Variants in RHPN2 observed in about 807,000 individuals in gnomAD.
RHPN2 encodes rhophilin-2.
RHPN2 carries 40 observed loss-of-function variants against 79.0 expected under a neutral mutation model. The ratio of observed to expected loss-of-function variants is 0.51; its 90% confidence interval spans 0.39 to 0.66. The LOEUF (loss-of-function observed/expected upper bound fraction) is 0.66. RHPN2 is among the 30% of genes least tolerant of loss of function. The pLI is 0.00. For missense variants in RHPN2, 686 were observed against 883.5 expected (o/e 0.78, Z 2.83); for synonymous variants, 285 against 363.5 (o/e 0.78, Z 2.46).
At chr19:33,047,950 T>C (rs1489840055) in intron 1 of RHPN2, among the ~76,000 whole-genome samples, 1 of 152,006 alleles carries the variant, frequency 6.6e-6, no homozygotes, top group Non-Finnish European at 1.5e-5. Flanking sequence ...ATAATAAAAA[T>C]AAAAGACTTC....
At chr19:32,994,686 G>T (rs1004192587) in intron 11 of RHPN2, among the ~76,000 whole-genome samples, 6 of 152,222 alleles carry the variant, frequency 3.9e-5, no homozygotes, top group Middle Eastern at 3.4e-3. Flanking sequence ...AGGAGGCCAG[G>T]CACGGTGGCT....
chr19:33,012,021 C>T (rs952291556), intron 5 of RHPN2, among the ~76,000 whole-genome samples: 1 of 150,446 alleles, frequency 6.6e-6, no homozygotes, highest in Admixed American at 6.7e-5. Context: ...GGGCTCTCCC[C>T]TTCTATGGTT....
chr19:33,051,364 G>A (rs182053326), intron 1 of RHPN2, among the ~76,000 whole-genome samples: 13 of 152,280 alleles, frequency 8.5e-5, no homozygotes, highest in Middle Eastern at 3.4e-3. Context: ...TGTAAGACAC[G>A]TATTTAAGAG....
At chr19:32,983,278 C>T (rs972549898) in intron 14 of RHPN2, among the ~76,000 whole-genome samples, 16 of 151,848 alleles carry the variant, frequency 1.1e-4, no homozygotes, top group African/African-American at 3.6e-4. Context: ...TTTGGGAGGC[C>T]AAGGCGGGCA....
At chr19:33,008,250 CTTTTTTT>C in intron 6 of RHPN2, 70 bp from the exon 7 acceptor site, 1 of 1,084,142 alleles carries the variant, frequency 9.2e-7, no homozygotes. Context: ...GGAAAAAATT[CTTTTTTT>C]TTTTTTTTTT....
intron 1 of RHPN2, among the ~76,000 whole-genome samples, chr19:33,054,879 C>T (rs1599836840): frequency 6.6e-6 from 1 of 152,208 alleles, no homozygotes; most frequent in East Asian, 1.9e-4. Flanking sequence ...TAGTTCATCA[C>T]GTTGTCTCTC....
At chr19:33,041,289 T>A (rs979123574) in intron 2 of RHPN2, among the ~76,000 whole-genome samples, 10 of 152,114 alleles carry the variant, frequency 6.6e-5, no homozygotes, top group Non-Finnish European at 1.3e-4. Flanking sequence ...CAGGGCCTAA[T>A]TTACAACTGA....
chr19:33,062,717 G>A (rs956742600), intron 1 of RHPN2, among the ~76,000 whole-genome samples: 1 of 151,142 alleles, frequency 6.6e-6, no homozygotes, highest in African/African-American at 2.4e-5. Flanking sequence ...GCAGTGAGCC[G>A]AAATCACACC....
chr19:33,000,447 G>A lies in RHPN2; in HGVS notation c.1106-742C>T, dbSNP rs1379018722. Among the ~76,000 whole-genome samples the A allele has an allele frequency of 2.6e-5, 4 of 151,494 alleles. No individual in the cohort carries two copies. The East Asian group carries it at 7.8e-4, about 30-fold the overall frequency. On this transcript the variant is annotated intron_variant, in intron 9 of 14. Coordinates refer to ENST00000254260, the MANE Select transcript of RHPN2 (RefSeq NM_033103.5). ...TCTTGGCCAGGCTGGTCCTGACCTC[G>A]TGATCCACACCGATTTCGGCCTCCC...
In RHPN2 at chr19:33,035,132, A is replaced by C. The variant is rs146169868; in HGVS notation, c.186-8500T>G. Among the ~76,000 whole-genome samples, 776 of 151,488 alleles carry C rather than the reference A, an allele frequency of 5.1e-3. 5 individuals carry two copies. Among genetic ancestry groups the C allele is most frequent in the African/African-American group, 0.018 (753 of 41,284 alleles). ...CAGTGTGTGCCACCACACCCAGCTAATTTTTTGTATTTTTACTAGAGATGG... is the reference window on the plus strand; with the variant it reads ...CAGTGTGTGCCACCACACCCAGCTACTTTTTTGTATTTTTACTAGAGATGG... On this transcript the variant is annotated intron_variant, in intron 2 of 14. Coordinates refer to ENST00000254260, the MANE Select transcript of RHPN2 (RefSeq NM_033103.5).
At chr19:33,036,690 C>T (rs10424333) in intron 2 of RHPN2, among the ~76,000 whole-genome samples, 2 of 152,106 alleles carry the variant, frequency 1.3e-5, no homozygotes, top group African/African-American at 4.8e-5. Flanking sequence ...CGGGCTAGCG[C>T]GAGTTCCAGG....
intron 4 of RHPN2, among the ~76,000 whole-genome samples, chr19:33,020,914 G>A (rs543276526): frequency 2.7e-4 from 41 of 152,198 alleles, no homozygotes; most frequent in Admixed American, 2.3e-3. Context: ...GTATGTTCTT[G>A]GAAGAATTGA....
intron 1 of RHPN2, among the ~76,000 whole-genome samples, chr19:33,049,662 C>A (rs1392459155): frequency 1.3e-5 from 2 of 152,160 alleles, no homozygotes; most frequent in South Asian, 4.2e-4. Context: ...ACAGCCAACA[C>A]CCAAGAAAAG....
intron 1 of RHPN2, among the ~76,000 whole-genome samples, chr19:33,061,666 TAG>T (rs1357062934): frequency 6.6e-6 from 1 of 152,016 alleles, no homozygotes; most frequent in East Asian, 1.9e-4. Flanking sequence ...ATATTTTTAG[TAG>T]AGACAGGGTT....
At chr19:33,028,269 G>C (rs1325619470) in intron 2 of RHPN2, among the ~76,000 whole-genome samples, 1 of 151,176 alleles carries the variant, frequency 6.6e-6, no homozygotes, top group Non-Finnish European at 1.5e-5. Flanking sequence ...CCATCCTCCA[G>C]CCTCAGCCTC....
intron 14 of RHPN2, among the ~76,000 whole-genome samples, chr19:32,983,880 G>A (rs1599804585): frequency 6.6e-6 from 1 of 152,274 alleles, no homozygotes; most frequent in Admixed American, 6.5e-5. Flanking sequence ...ACCTGCCTCA[G>A]CCTCCCAAAG....
intron 1 of RHPN2, among the ~76,000 whole-genome samples, chr19:33,053,655 C>T (rs1304076466): frequency 6.6e-6 from 1 of 151,954 alleles, no homozygotes; most frequent in Non-Finnish European, 1.5e-5. Flanking sequence ...AACTCCTGAC[C>T]TCGTGATCCA....
intron 7 of RHPN2, among the ~76,000 whole-genome samples, chr19:33,004,369 G>A (rs1971774236): frequency 6.6e-6 from 1 of 152,056 alleles, no homozygotes; most frequent in Non-Finnish European, 1.5e-5. Context: ...TTCTGGAGAT[G>A]TTTAGTGGTA....
intron 1 of RHPN2, among the ~76,000 whole-genome samples, chr19:33,060,156 G>GT (rs996299701): frequency 3.3e-5 from 5 of 151,978 alleles, no homozygotes; most frequent in African/African-American, 1.2e-4. Flanking sequence ...GCATTGTGAC[G>GT]TTTTTTTTGA....
Sources: allele counts gnomAD v4.1 joint callset (sites outside exome capture counted in the v4.1 genomes callset), GRCh38; gene constraint gnomAD v4.1.1; transcripts MANE v1.5; gene names NCBI Gene and HGNC (gene_info 2026-07-23, HGNC 2026-07-21).